Variants in MMRN1 observed in about 807,000 individuals in gnomAD.
MMRN1 encodes the protein multimerin 1, also known as multimerin-1.
A neutral mutation model predicts 100.7 loss-of-function variants in MMRN1; 94 were observed. The ratio of observed to expected loss-of-function variants is 0.93; its 90% CI spans 0.79 to 1.11. MMRN1 has a LOEUF of 1.11. Ranked by LOEUF, MMRN1 falls within the 50% of genes least tolerant of loss-of-function variation. The pLI, the probability that MMRN1 is intolerant of heterozygous loss-of-function variation, is 0.00. For missense variants in MMRN1, 1,606 were observed against 1,439.1 expected, an observed-to-expected ratio of 1.12 and a Z score of -1.88; for synonymous variants, 575 against 505.0, an observed-to-expected ratio of 1.14 and a Z score of -1.86.
At chr4:89,921,557 A>G (rs1399443179) in intron 3 of MMRN1, among the ~76,000 whole-genome samples, 1 of 152,070 alleles carries the variant, frequency 6.6e-6, no homozygotes, top group African/African-American at 2.4e-5. Flanking sequence ...CCTTATTGCT[A>G]GGTCTTAGAA....
intron 3 of MMRN1, among the ~76,000 whole-genome samples, chr4:89,920,222 C>A (rs1722045173): frequency 6.6e-6 from 1 of 152,034 alleles, no homozygotes; most frequent in Admixed American, 6.6e-5. Flanking sequence ...AATATTTTAA[C>A]AATTGGCCGA....
chr4:89,930,161 G>C lies in MMRN1; in HGVS notation c.1129+2193G>C, dbSNP rs879840475. Among the ~76,000 whole-genome samples, 6 of 152,134 alleles carry C rather than the reference G, an allele frequency of 3.9e-5. No individual in the cohort carries two copies. In the East Asian group the frequency reaches 9.6e-4, roughly 24 times the overall value. ...CTATTAACATAAAGCACTTTGACAT[G>C]TTCTTGGGAAATCAGATTCTTGTAC... On this transcript the variant is annotated intron_variant, in intron 5 of 7. Coordinates refer to ENST00000264790, the MANE Select transcript of MMRN1 (RefSeq NM_007351.3).
intron 4 of MMRN1, 104 bp downstream of exon 4, chr4:89,923,376 A>T: frequency 1.5e-5 from 15 of 1,009,296 alleles, no homozygotes; most frequent in Non-Finnish European, 2.3e-5. Flanking sequence ...ATTGATGGTG[A>T]CACATTAGCA....
chr4:89,952,727 G>T (rs372264969), intron 7 of MMRN1, among the ~76,000 whole-genome samples: 3 of 152,182 alleles, frequency 2.0e-5, no homozygotes, highest in African/African-American at 7.2e-5. Context: ...TATCTTTGAG[G>T]CATTTCTGTG....
intron 3 of MMRN1, among the ~76,000 whole-genome samples, 162 bp downstream of exon 3, chr4:89,912,212 CACT>C (rs1234307052): frequency 1.3e-5 from 2 of 151,266 alleles, no homozygotes; most frequent in African/African-American, 4.8e-5. Flanking sequence ...GCTTTTATAA[CACT>C]CTGAAATCTC....
intron 7 of MMRN1, 121 bp downstream of exon 7, chr4:89,951,872 T>C: frequency 8.4e-7 from 1 of 1,186,356 alleles, no homozygotes; most frequent in Non-Finnish European, 1.1e-6. Flanking sequence ...ACAATTCCTT[T>C]TACTTTTTCG....
intron 1 of MMRN1, among the ~76,000 whole-genome samples, chr4:89,904,931 T>G (rs1204330802): frequency 6.6e-6 from 1 of 151,714 alleles, no homozygotes; most frequent in East Asian, 1.9e-4. Context: ...AAAAATAGGT[T>G]TGTTAAGATA....
intron 4 of MMRN1, among the ~76,000 whole-genome samples, chr4:89,923,847 T>C (rs1235992687): frequency 1.3e-5 from 2 of 152,196 alleles, no homozygotes; most frequent in Non-Finnish European, 2.9e-5. Context: ...GCTAAAAACA[T>C]CTATTCACTG....
intron 1 of MMRN1, among the ~76,000 whole-genome samples, chr4:89,907,163 C>T (rs1721590820): frequency 6.6e-6 from 1 of 151,300 alleles, no homozygotes; most frequent in South Asian, 2.1e-4. Context: ...TATTGTGGTC[C>T]TCTCAATTTT....
intron 1 of MMRN1, among the ~76,000 whole-genome samples, chr4:89,895,878 G>T (rs753251290): frequency 1.5e-4 from 23 of 152,158 alleles, no homozygotes; most frequent in Non-Finnish European, 2.6e-4. Context: ...AAGCAAACTA[G>T]CACCACGGTG....
At chr4:89,949,684 G>A (rs186785676) in intron 6 of MMRN1, among the ~76,000 whole-genome samples, 45 of 152,254 alleles carry the variant, frequency 3.0e-4, no homozygotes, top group Non-Finnish European at 5.7e-4. Context: ...AAGGAAAATA[G>A]TTTATAGAAT....
rs1721767448 is a variant in MMRN1, at chr4:89,911,998, A to G, written c.798A>G (p.Ser266=). 2 of 1,604,270 alleles carry G rather than the reference A, an allele frequency of 1.2e-6. No homozygotes were observed. Among genetic ancestry groups the G allele is most frequent in the Non-Finnish European group, 8.5e-7 (1 of 1,174,246 alleles). ...GGATGCAACATAAAATTGTCACCTC[A>G]TTGGATTGGAGGTGCTGTCCTGGAT... The part of the protein sequence containing the change: ...VYRMQHKIVT[S]LDWRCCPGYS... The change falls in exon 3 of 8, where the codon TCA becomes TCG. Residue 266 remains serine, a synonymous_variant. Coordinates refer to ENST00000264790, the MANE Select transcript of MMRN1 (RefSeq NM_007351.3).
chr4:89,900,482 A>G (rs2110584576), intron 1 of MMRN1, among the ~76,000 whole-genome samples: 1 of 152,230 alleles, frequency 6.6e-6, no homozygotes, highest in African/African-American at 2.4e-5. Context: ...CACCCAATGT[A>G]AAGTTAACTA....
chr4:89,907,997 T>C (rs1257145302), intron 1 of MMRN1, among the ~76,000 whole-genome samples: 1 of 151,274 alleles, frequency 6.6e-6, no homozygotes, highest in Non-Finnish European at 1.5e-5. Context: ...CAGTCCAAGA[T>C]TCAAGGGCAC....
chr4:89,880,877 T>A (rs1353081317), intron 1 of MMRN1, among the ~76,000 whole-genome samples: 1 of 152,076 alleles, frequency 6.6e-6, no homozygotes, highest in Admixed American at 6.6e-5. Context: ...TCAGGCTTGA[T>A]CCTCATATTT....
intron 6 of MMRN1, among the ~76,000 whole-genome samples, chr4:89,937,450 G>A (rs1482255011): frequency 1.3e-5 from 2 of 152,052 alleles, no homozygotes; most frequent in Non-Finnish European, 2.9e-5. Flanking sequence ...CATAGAGGAA[G>A]CTCTAAGGCT....
intron 6 of MMRN1, among the ~76,000 whole-genome samples, chr4:89,947,292 C>T (rs1040554418): frequency 2.4e-4 from 36 of 151,842 alleles, no homozygotes; most frequent in African/African-American, 8.7e-4. Context: ...AAAAATAAAA[C>T]AAATAAATAA....
chr4:89,933,334 G>A (rs769969082), intron 5 of MMRN1, among the ~76,000 whole-genome samples: 6 of 152,012 alleles, frequency 3.9e-5, no homozygotes, highest in African/African-American at 7.3e-5. Flanking sequence ...ACATATTCCC[G>A]TCTTCTTCAG....
chr4:89,896,159 C>T (rs1036314738), intron 1 of MMRN1, among the ~76,000 whole-genome samples: 2 of 151,934 alleles, frequency 1.3e-5, no homozygotes, highest in South Asian at 2.1e-4. Flanking sequence ...AGATTTAATA[C>T]AAGGAATGTC....
Sources: gnomAD v4.1 joint callset for allele counts (sites outside exome capture counted in the v4.1 genomes callset) on GRCh38, gnomAD v4.1.1 for gene constraint, MANE v1.5 for transcripts, NCBI Gene and HGNC (gene_info 2026-07-23, HGNC 2026-07-21) for gene names.